Variants in DEPDC1B observed in about 807,000 individuals in gnomAD.
The protein encoded by DEPDC1B is DEP domain-containing protein 1B.
A neutral mutation model predicts 66.5 loss-of-function variants in DEPDC1B; 51 were observed. That is an observed-to-expected ratio of 0.77 (90% CI 0.61 to 0.97). The LOEUF (loss-of-function observed/expected upper bound fraction) is 0.97, where lower values mean the gene tolerates loss of function less well. Ranked by LOEUF, DEPDC1B falls within the 50% of genes least tolerant of loss-of-function variation. The pLI, the probability that DEPDC1B is intolerant of heterozygous loss-of-function variation, is 0.00. For missense variants in DEPDC1B, 552 were observed against 637.1 expected, an observed-to-expected ratio of 0.87 and a Z score of 1.44; for synonymous variants, 226 against 223.6, an observed-to-expected ratio of 1.01 and a Z score of -0.10.
intron 2 of DEPDC1B, among the ~76,000 whole-genome samples, chr5:60,650,009 AG>A (rs1753408046): frequency 6.6e-6 from 1 of 151,928 alleles, no homozygotes; most frequent in Admixed American, 6.6e-5. Flanking sequence ...ATAGTTACAA[AG>A]AAAATTTAAT....
chr5:60,673,931 T>G (rs1285518392), intron 2 of DEPDC1B, among the ~76,000 whole-genome samples: 1 of 152,172 alleles, frequency 6.6e-6, no homozygotes, highest in Admixed American at 6.5e-5. Context: ...TTAAACTCAT[T>G]TATGCCTCCT....
At chr5:60,682,985 C>CA (rs1561391485) in intron 2 of DEPDC1B, among the ~76,000 whole-genome samples, 1 of 151,574 alleles carries the variant, frequency 6.6e-6, no homozygotes, top group Non-Finnish European at 1.5e-5. Flanking sequence ...AAAGATACAA[C>CA]AAAAAAAGAA....
intron 7 of DEPDC1B, among the ~76,000 whole-genome samples, chr5:60,610,444 G>A (rs1321350311): frequency 6.6e-6 from 1 of 152,144 alleles, no homozygotes; most frequent in African/African-American, 2.4e-5. Flanking sequence ...TACAACTTTG[G>A]CTAGATTTTC....
chr5:60,687,810 G>T, intron 1 of DEPDC1B: 1 of 213,378 alleles, frequency 4.7e-6, no homozygotes, highest in South Asian at 5.1e-5. Flanking sequence ...ACAGGAGTGA[G>T]CCACTGCACC....
At chr5:60,603,264 C>T (rs1304397462) in intron 9 of DEPDC1B, 127 bp downstream of exon 9, 1 of 807,420 alleles carries the variant, frequency 1.2e-6, no homozygotes, top group East Asian at 3.0e-5. Flanking sequence ...TGTGCCAAGA[C>T]CTGTTGTAAG....
intron 7 of DEPDC1B, among the ~76,000 whole-genome samples, chr5:60,626,170 T>C (rs1426396879): frequency 1.3e-5 from 2 of 152,202 alleles, no homozygotes; most frequent in Non-Finnish European, 2.9e-5. Context: ...TAGATTTGCC[T>C]ATTCTGGACA....
rs1041086877 is a variant in DEPDC1B, at chr5:60,616,274, A to G, written c.899-10418T>C. Among the ~76,000 whole-genome samples, 105 of 152,336 alleles carry G rather than the reference A, an allele frequency of 6.9e-4. 2 individuals are homozygous for G. The highest frequency in any genetic ancestry group is 2.5e-3 in the African/African-American group (104 of 41,590). On this transcript the variant is annotated intron_variant, in intron 7 of 10. Coordinates refer to ENST00000265036, the MANE Select transcript of DEPDC1B (RefSeq NM_018369.3). ...AGGAACGCAGCTCCTCAGCAGCAAC[A>G]GAACAAAGCTGGATGGAGAATGACT...
chr5:60,690,328 C>T (rs7704338), intron 1 of DEPDC1B, among the ~76,000 whole-genome samples: 69,047 of 151,838 alleles, frequency 0.45, 16,256 homozygotes, highest in East Asian at 0.77. Flanking sequence ...GAAATAGATA[C>T]CATAAATATA....
intron 7 of DEPDC1B, among the ~76,000 whole-genome samples, chr5:60,613,347 A>G (rs1369859261): frequency 1.3e-5 from 2 of 152,322 alleles, no homozygotes; most frequent in East Asian, 3.9e-4. Flanking sequence ...AATTTAGGGG[A>G]CAGGTCAACA....
intron 7 of DEPDC1B, among the ~76,000 whole-genome samples, chr5:60,610,273 G>A (rs1752388973): frequency 6.6e-6 from 1 of 152,166 alleles, no homozygotes; most frequent in African/African-American, 2.4e-5. Context: ...ATCAGAAAAT[G>A]GTGTCAATAG....
At chr5:60,609,139 G>A (rs954301837) in intron 7 of DEPDC1B, among the ~76,000 whole-genome samples, 6 of 151,756 alleles carry the variant, frequency 4.0e-5, no homozygotes, top group Non-Finnish European at 8.8e-5. Context: ...GAGAAAGAAA[G>A]AAAAAGCAAA....
intron 2 of DEPDC1B, among the ~76,000 whole-genome samples, chr5:60,685,234 C>A (rs1314971840): frequency 1.3e-5 from 2 of 152,128 alleles, no homozygotes; most frequent in African/African-American, 4.8e-5. Context: ...CTCATTAGCT[C>A]ACTCTCAATT....
intron 7 of DEPDC1B, among the ~76,000 whole-genome samples, chr5:60,626,556 A>C (rs1752812119): frequency 6.6e-6 from 1 of 152,200 alleles, no homozygotes; most frequent in Non-Finnish European, 1.5e-5. Context: ...CAAGAGTTCC[A>C]ATTTATCCAC....
chr5:60,604,218 C>CTTTTTTTTTTTTTTTTTTTTTTTTT lies in DEPDC1B; in HGVS notation c.1066-652_1066-651insAAAAAAAAAAAAAAAAAAAAAAAAA, dbSNP rs869142199. ...TTCCATAGAATTGAAATTAACTATT[C>CTTTTTTTTTTTTTTTTTTTTTTTTT]TTTTTTTTTTTTTTTTTTTTTTTAC... On this transcript the variant is annotated intron_variant, in intron 8 of 10. Coordinates refer to ENST00000265036, the MANE Select transcript of DEPDC1B (RefSeq NM_018369.3). 1.7e-4 allele frequency among the ~76,000 whole-genome samples: 12 copies of CTTTTTTTTTTTTTTTTTTTTTTTTT among 68,970 alleles called. 4 individuals carry two copies. The highest frequency in any genetic ancestry group is 4.4e-4 in the Admixed American group (2 of 4,538). 45.2% of individuals were successfully genotyped at this position (68,970 alleles called of 152,430 possible).
At chr5:60,644,634 A>C in intron 5 of DEPDC1B, 111 bp downstream of exon 5, 1 of 848,748 alleles carries the variant, frequency 1.2e-6, no homozygotes, top group Non-Finnish European at 1.7e-6. Context: ...AATATACGTA[A>C]TGAAGGAACA....
At chr5:60,667,442 A>G (rs1230458002) in intron 2 of DEPDC1B, among the ~76,000 whole-genome samples, 1 of 146,838 alleles carries the variant, frequency 6.8e-6, no homozygotes, top group Admixed American at 6.8e-5. Flanking sequence ...TATACAAAAA[A>G]TGGATATTTT....
intron 7 of DEPDC1B, among the ~76,000 whole-genome samples, chr5:60,627,285 T>A (rs575130685): frequency 2.2e-4 from 33 of 152,144 alleles, no homozygotes; most frequent in Non-Finnish European, 3.8e-4. Context: ...AGCTTTTAAA[T>A]ACACAAGAAG....
chr5:60,659,356 T>C (rs1753654093), intron 2 of DEPDC1B, among the ~76,000 whole-genome samples: 1 of 152,238 alleles, frequency 6.6e-6, no homozygotes, highest in African/African-American at 2.4e-5. Flanking sequence ...TATTCTGTCC[T>C]ATACTTCCTT....
intron 7 of DEPDC1B, among the ~76,000 whole-genome samples, chr5:60,626,291 C>T (rs111982874): frequency 0.012 from 1,894 of 152,164 alleles, 13 homozygotes; most frequent in Non-Finnish European, 0.02. Flanking sequence ...TTTCATTGTA[C>T]GGATATACTA....
Sources: gnomAD v4.1 joint callset for allele counts (sites outside exome capture counted in the v4.1 genomes callset) on GRCh38, gnomAD v4.1.1 for gene constraint, MANE v1.5 for transcripts, NCBI Gene and HGNC (gene_info 2026-07-23, HGNC 2026-07-21) for gene names.